CTNND2: variants seen among roughly 807,000 people sequenced by gnomAD.
CTNND2 encodes catenin delta 2.
CTNND2 carries 22 observed loss-of-function variants against 144.4 expected under a neutral mutation model. The observed-to-expected ratio is 0.15, with a 90% CI of 0.11 to 0.22. The LOEUF is 0.22. Ranked by LOEUF, CTNND2 falls within the 10% of genes least tolerant of loss-of-function variation. CTNND2 has a pLI of 1.00. For missense variants in CTNND2, 1,353 were observed against 1,618.8 expected (o/e 0.84, Z 2.82); for synonymous variants, 751 against 695.6 (o/e 1.08, Z -1.25).
At chr5:11,644,817 C>A (rs555804833) in intron 2 of CTNND2, among the ~76,000 whole-genome samples, 5 of 152,078 alleles carry the variant, frequency 3.3e-5, no homozygotes. Flanking sequence ...ACCCATAAGT[C>A]AAACTGTGGA....
chr5:11,367,013 A>G (rs73742812), intron 7 of CTNND2, among the ~76,000 whole-genome samples: 2,011 of 152,334 alleles, frequency 0.013, 52 homozygotes, highest in African/African-American at 0.046. Context: ...ATGTGCTGAT[A>G]TTATTACGAA....
chr5:10,980,596 C>T (rs992413346), intron 21 of CTNND2, among the ~76,000 whole-genome samples: 35 of 142,142 alleles, frequency 2.5e-4, no homozygotes, highest in Non-Finnish European at 4.4e-4. Context: ...CACATGTACA[C>T]GTACATTTAT....
intron 2 of CTNND2, among the ~76,000 whole-genome samples, chr5:11,715,355 G>A (rs950306365): frequency 6.6e-6 from 1 of 152,110 alleles, no homozygotes; most frequent in African/African-American, 2.4e-5. Flanking sequence ...AAAAAACAAA[G>A]GAAAACACAC....
At chr5:11,305,306 C>A (rs1263852047) in intron 9 of CTNND2, among the ~76,000 whole-genome samples, 2 of 152,194 alleles carry the variant, frequency 1.3e-5, no homozygotes, top group Non-Finnish European at 2.9e-5. Flanking sequence ...CAGAATGGGC[C>A]TCAGCATCAG....
intron 16 of CTNND2, among the ~76,000 whole-genome samples, chr5:11,067,873 T>C (rs1013437870): frequency 6.6e-6 from 1 of 152,220 alleles, no homozygotes; most frequent in African/African-American, 2.4e-5. Flanking sequence ...AAAGTGTGTG[T>C]TGTGAAAGAT....
rs1760146567 is a variant in CTNND2 at position 11,173,476 on chromosome 5, T to TG, written c.1976-13718_1976-13717insC. Among the ~76,000 whole-genome samples, 3 of 152,304 alleles carry TG rather than the reference T, an allele frequency of 2.0e-5. No individual in the cohort carries two copies. The South Asian group carries it at 6.2e-4, about 32-fold the overall frequency. ...TAGAGAATCCCAGCTGAGTGTTCTT[T>TG]TCATGTCCTGTGGAAACCTTGATGA... is the stretch of plus-strand genomic sequence containing the variant. On this transcript the variant is annotated intron_variant, in intron 11 of 21. Transcript: ENST00000304623.
intron 3 of CTNND2, among the ~76,000 whole-genome samples, chr5:11,517,529 T>C (rs1299277603): frequency 6.6e-6 from 1 of 151,982 alleles, no homozygotes; most frequent in Non-Finnish European, 1.5e-5. Flanking sequence ...ATGTATACAT[T>C]GTGAAATGAC....
intron 2 of CTNND2, among the ~76,000 whole-genome samples, chr5:11,674,066 A>C (rs1454197884): frequency 6.6e-6 from 1 of 152,222 alleles, no homozygotes; most frequent in Admixed American, 6.5e-5. Flanking sequence ...AATTACAATA[A>C]GTAAATGTAG....
chr5:11,577,167 T>G (rs1445057570), intron 2 of CTNND2, among the ~76,000 whole-genome samples: 1 of 152,212 alleles, frequency 6.6e-6, no homozygotes, highest in Non-Finnish European at 1.5e-5. Context: ...CTCATCGAAA[T>G]CTCTGGTATA....
intron 2 of CTNND2, among the ~76,000 whole-genome samples, chr5:11,702,805 C>T (rs375555827): frequency 1.3e-5 from 2 of 152,200 alleles, no homozygotes; most frequent in African/African-American, 4.8e-5. Context: ...GACTGCAATG[C>T]TTTCCTCCAT....
At chr5:11,760,049 C>A (rs1327635758) in intron 1 of CTNND2, among the ~76,000 whole-genome samples, 49 of 117,594 alleles carry the variant, frequency 4.2e-4, no homozygotes, top group African/African-American at 1.0e-3. Flanking sequence ...GTACTGGATG[C>A]AAAAAAAAAA....
intron 1 of CTNND2, among the ~76,000 whole-genome samples, chr5:11,834,975 C>T (rs1794094852): frequency 6.6e-6 from 1 of 151,192 alleles, no homozygotes; most frequent in African/African-American, 2.5e-5. Context: ...CCCATCTCTA[C>T]AAAAAATACA....
intron 16 of CTNND2, among the ~76,000 whole-genome samples, chr5:11,074,935 C>G (rs563656848): frequency 6.6e-6 from 1 of 152,082 alleles, no homozygotes; most frequent in African/African-American, 2.4e-5. Flanking sequence ...AAAGGATGGC[C>G]CTAATTCCCC....
At chr5:11,621,296 G>A (rs1289527748) in intron 2 of CTNND2, among the ~76,000 whole-genome samples, 1 of 152,164 alleles carries the variant, frequency 6.6e-6, no homozygotes, top group Non-Finnish European at 1.5e-5. Context: ...AATCTGTTCA[G>A]TGTAAATTTC....
At chr5:11,780,266 T>C (rs74723224) in intron 1 of CTNND2, among the ~76,000 whole-genome samples, 2,336 of 152,174 alleles carry the variant, frequency 0.015, 53 homozygotes, top group African/African-American at 0.05. Flanking sequence ...TAGGTACAGA[T>C]TGGACCCTTC....
At chr5:11,752,102 T>A (rs1736577925) in intron 1 of CTNND2, among the ~76,000 whole-genome samples, 1 of 151,974 alleles carries the variant, frequency 6.6e-6, no homozygotes. Flanking sequence ...TTCTCTACAT[T>A]AGACCTTTGT....
rs989488501 is a variant in CTNND2, at chr5:11,098,734, T to A, written c.2478A>T (p.Gly826=). 1.9e-6 allele frequency: 3 copies of A among 1,612,608 alleles called. No individual in the cohort carries two copies. The highest frequency in any genetic ancestry group is 2.5e-6 in the Non-Finnish European group (3 of 1,179,538). ...GTGGTTCAGCACAGTCTGGAAGAGG[T>A]CCTACTCCATCCCACTGGCGGAAGA... is the stretch of plus-strand genomic sequence containing the variant. ...KKSQDQWDGV[G]PLPDCAEPPK... is the part of the protein sequence containing the mutation. The change falls in exon 15 of 22, where the codon GGA becomes GGT. Residue 826 remains glycine, a synonymous_variant. Coordinates refer to ENST00000304623, the MANE Select transcript of CTNND2 (RefSeq NM_001332.4).
At chr5:11,683,937 TA>T (rs1322642767) in intron 2 of CTNND2, among the ~76,000 whole-genome samples, 6 of 152,138 alleles carry the variant, frequency 3.9e-5, no homozygotes, top group Non-Finnish European at 8.8e-5. Context: ...AAGCTCCCAA[TA>T]GTCCTAACAT....
chr5:11,351,260 C>A (rs1356022796), intron 8 of CTNND2, among the ~76,000 whole-genome samples: 1 of 152,212 alleles, frequency 6.6e-6, no homozygotes, highest in East Asian at 1.9e-4. Context: ...AGGGCAAACA[C>A]TGGAGAGGGA....
Sources: gnomAD v4.1 joint callset for allele counts (sites outside exome capture counted in the v4.1 genomes callset) on GRCh38, gnomAD v4.1.1 for gene constraint, MANE v1.5 for transcripts, NCBI Gene and HGNC (gene_info 2026-07-23, HGNC 2026-07-21) for gene names.